Variants in ZCCHC7 observed in about 807,000 individuals in gnomAD.
ZCCHC7 encodes the protein zinc finger CCHC domain-containing protein 7.
Under a neutral mutation model 52.0 loss-of-function variants are expected in ZCCHC7, and 35 were observed. The observed-to-expected ratio is 0.67, with a 90% confidence interval of 0.51 to 0.89. The LOEUF (loss-of-function observed/expected upper bound fraction) is 0.89. Ranked by LOEUF, ZCCHC7 falls within the 40% of genes least tolerant of loss-of-function variation. ZCCHC7 has a pLI of 0.00. For synonymous variants in ZCCHC7, 217 were observed against 221.5 expected, an observed-to-expected ratio of 0.98 and a Z score of 0.18; for missense variants, 574 against 649.1, an observed-to-expected ratio of 0.88 and a Z score of 1.26.
chr9:37,310,958 TTA>T (rs1491144150), intron 5 of ZCCHC7, among the ~76,000 whole-genome samples: 12 of 132,822 alleles, frequency 9.0e-5, no homozygotes, highest in Admixed American at 2.9e-4. Flanking sequence ...CTCTCTCTTT[TTA>T]AAAAAAAAAA....
chr9:37,220,018 G>C (rs1824728377), intron 2 of ZCCHC7, among the ~76,000 whole-genome samples: 2 of 152,080 alleles, frequency 1.3e-5, no homozygotes, highest in Admixed American at 6.5e-5. Context: ...AGAAAGGGTT[G>C]ATTACCAGAT....
chr9:37,294,754 T>A (rs2133653558), intron 2 of ZCCHC7, among the ~76,000 whole-genome samples: 1 of 152,288 alleles, frequency 6.6e-6, no homozygotes, highest in Admixed American at 6.5e-5. Context: ...ATATTATTCA[T>A]AGTATTCAAG....
intron 2 of ZCCHC7, among the ~76,000 whole-genome samples, chr9:37,269,360 A>C (rs1176724855): frequency 6.6e-6 from 1 of 152,174 alleles, no homozygotes; most frequent in East Asian, 1.9e-4. Flanking sequence ...GTACCTGCAG[A>C]AATACCAGTT....
At chr9:37,236,948 G>A (rs1825681525) in intron 2 of ZCCHC7, among the ~76,000 whole-genome samples, 1 of 152,170 alleles carries the variant, frequency 6.6e-6, no homozygotes, top group Non-Finnish European at 1.5e-5. Flanking sequence ...CTTTCAATTT[G>A]AACTTCTTCA....
Position 37,159,497 on chromosome 9 carries a change from G to GAAGCAGAGAGGAGGTGAC in ZCCHC7, c.610+32558_610+32575dup, listed in dbSNP as rs1180860467. ...TGTTATTTTTGAACTCAAAGTGGTA[G>GAAGCAGAGAGGAGGTGAC]AAGCAGAGAGGAGGTGACAAACTGA... On this transcript the variant is annotated intron_variant, in intron 2 of 8. Coordinates refer to ENST00000336755, the MANE Select transcript of ZCCHC7 (RefSeq NM_032226.3). Among the ~76,000 whole-genome samples, 14 of 152,322 alleles carry GAAGCAGAGAGGAGGTGAC rather than the reference G, an allele frequency of 9.2e-5. No homozygotes were observed. The East Asian group carries it at 2.3e-3, about 25-fold the overall frequency.
At position 37,305,828 on chromosome 9, in the gene ZCCHC7, G is replaced by A. The variant is rs534846601; in HGVS notation, c.951+114G>A. On this transcript the variant is annotated intron_variant, in intron 5 of 8. Transcript: ENST00000336755. ...GCATACCTAAAGGAATGTTTACTCC[G>A]TGAGATATATATATATATATATAGT... 15 of 954,764 alleles carry A rather than the reference G, an allele frequency of 1.6e-5. 1 individual carries two copies. The highest frequency in any genetic ancestry group is 8.2e-5 in the Admixed American group (3 of 36,490). The allele number at this position is 954,764 out of a possible 1,614,324, so 59.1% of individuals were successfully genotyped here. A position where few individuals can be genotyped will look rare whatever the true frequency, so the allele number is the denominator to read the frequency against.
intron 2 of ZCCHC7, among the ~76,000 whole-genome samples, chr9:37,260,132 A>G (rs934778863): frequency 3.9e-5 from 6 of 152,226 alleles, no homozygotes; most frequent in Non-Finnish European, 7.3e-5. Context: ...GAGCACCAAC[A>G]CTTCCTGTCC....
chr9:37,281,493 C>T (rs961928175), intron 2 of ZCCHC7, among the ~76,000 whole-genome samples: 3 of 152,172 alleles, frequency 2.0e-5, no homozygotes, highest in African/African-American at 7.2e-5. Context: ...ATATATGAGT[C>T]TCCACTTCGT....
chr9:37,182,238 C>G (rs947298466), intron 2 of ZCCHC7, among the ~76,000 whole-genome samples: 2 of 152,068 alleles, frequency 1.3e-5, no homozygotes, highest in African/African-American at 4.8e-5. Flanking sequence ...GTCTTAAAAT[C>G]TTAAGAATAG....
At chr9:37,318,227 C>T (rs574708284) in intron 5 of ZCCHC7, among the ~76,000 whole-genome samples, 2 of 151,792 alleles carry the variant, frequency 1.3e-5, no homozygotes, top group South Asian at 2.1e-4. Context: ...TATAAAAGGC[C>T]GGGCGCAGTG....
At chr9:37,232,153 T>TA (rs1314595146) in intron 2 of ZCCHC7, among the ~76,000 whole-genome samples, 1 of 152,238 alleles carries the variant, frequency 6.6e-6, no homozygotes, top group Non-Finnish European at 1.5e-5. Flanking sequence ...ACTAAGCAGT[T>TA]ACTGTGTACA....
Position 37,299,164 on chromosome 9 carries a change from A to T in ZCCHC7, c.611-3024A>T, listed in dbSNP as rs550366957. 2.0e-5 allele frequency among the ~76,000 whole-genome samples: 3 copies of T among 152,298 alleles called. No individual in the cohort carries two copies. The South Asian group carries it at 6.2e-4, about 32-fold the overall frequency. ...GCATTCTTAGGGCAGTCTTAATTTT[A>T]CAATTCAGGGCAGTCCCATTTAACA... On this transcript the variant is annotated intron_variant, in intron 2 of 8. Coordinates refer to ENST00000336755, the MANE Select transcript of ZCCHC7 (RefSeq NM_032226.3).
chr9:37,315,228 C>T (rs1442544897), intron 5 of ZCCHC7, among the ~76,000 whole-genome samples: 1 of 151,852 alleles, frequency 6.6e-6, no homozygotes, highest in Non-Finnish European at 1.5e-5. Context: ...ACATACCAGG[C>T]TCTTAACATT....
At chr9:37,216,171 A>G (rs1364447968) in intron 2 of ZCCHC7, among the ~76,000 whole-genome samples, 2 of 152,186 alleles carry the variant, frequency 1.3e-5, no homozygotes, top group Non-Finnish European at 2.9e-5. Flanking sequence ...ACGAGGTCAT[A>G]TAGCATTTTC....
chr9:37,200,708 T>A (rs1823587118), intron 2 of ZCCHC7, among the ~76,000 whole-genome samples: 1 of 152,204 alleles, frequency 6.6e-6, no homozygotes, highest in African/African-American at 2.4e-5. Context: ...TGTTTATAGC[T>A]GTCTGTAAAT....
intron 2 of ZCCHC7, among the ~76,000 whole-genome samples, chr9:37,283,522 T>C (rs1158021361): frequency 6.6e-6 from 1 of 152,170 alleles, no homozygotes; most frequent in Non-Finnish European, 1.5e-5. Flanking sequence ...TAGGGGAGAA[T>C]TTCACAGGGC....
intron 5 of ZCCHC7, chr9:37,322,290 T>A (rs1830084128): frequency 6.6e-6 from 1 of 152,188 alleles, no homozygotes; most frequent in Non-Finnish European, 1.5e-5. Flanking sequence ...TTATCTCACT[T>A]GGTTGTTAAC....
At chr9:37,150,343 A>G (rs1820449234) in intron 2 of ZCCHC7, among the ~76,000 whole-genome samples, 2 of 152,218 alleles carry the variant, frequency 1.3e-5, no homozygotes, top group Non-Finnish European at 2.9e-5. Context: ...AGCTCTAACT[A>G]TATATATGTG....
At chr9:37,199,531 C>T (rs1588468298) in intron 2 of ZCCHC7, among the ~76,000 whole-genome samples, 1 of 151,972 alleles carries the variant, frequency 6.6e-6, no homozygotes, top group East Asian at 1.9e-4. Context: ...CAGGGTTTCA[C>T]TATGTTGGCC....
Sources: allele counts gnomAD v4.1 joint callset (sites outside exome capture counted in the v4.1 genomes callset), GRCh38; gene constraint gnomAD v4.1.1; transcripts MANE v1.5; gene names NCBI Gene and HGNC (gene_info 2026-07-23, HGNC 2026-07-21).